MFAP5: variants seen among roughly 807,000 people sequenced by gnomAD.
The protein encoded by MFAP5 is microfibril associated protein 5, also known as microfibrillar-associated protein 5.
MFAP5 carries 19 observed loss-of-function variants against 30.1 expected under a neutral mutation model. The observed-to-expected ratio is 0.63, with a 90% CI of 0.44 to 0.93. The LOEUF (loss-of-function observed/expected upper bound fraction) is 0.93, where lower values mean the gene tolerates loss of function less well. MFAP5 is among the 40% of genes least tolerant of loss of function. The pLI, the probability that MFAP5 is intolerant of heterozygous loss-of-function variation, is 0.00. For missense variants in MFAP5, 210 were observed against 221.3 expected, an observed-to-expected ratio of 0.95 and a Z score of 0.32; for synonymous variants, 92 against 72.9, an observed-to-expected ratio of 1.26 and a Z score of -1.33.
intron 9 of MFAP5, chr12:8,648,591 A>T (rs1263056167): frequency 8.2e-7 from 1 of 1,213,176 alleles, no homozygotes; most frequent in Non-Finnish European, 1.1e-6. Flanking sequence ...ATCATTCAGT[A>T]TACATTTACG....
At position 8,649,131 on chromosome 12, in the gene MFAP5, T is replaced by A. The variant is rs1027003722; in HGVS notation, c.409+370A>T. The stretch of plus-strand genomic sequence containing the variant: ...CGTGTGTATGTTTTATTTTTAGTTA[T>A]GAACATGGCTGCGGACTAGCAGAGT... On this transcript the variant is annotated intron_variant, in intron 9 of 9. Coordinates refer to ENST00000359478, the MANE Select transcript of MFAP5 (RefSeq NM_003480.4). Among the ~76,000 whole-genome samples, 4 of 152,354 alleles carry A rather than the reference T, an allele frequency of 2.6e-5. 1 individual carries two copies. In the Middle Eastern group the frequency reaches 0.014, roughly 518 times the overall value.
Position 8,648,028 on chromosome 12 carries a change from A to T in MFAP5, c.*63T>A. The T allele has an allele frequency of 7.9e-7, 1 of 1,258,490 alleles. No homozygotes were observed. Among genetic ancestry groups the T allele is most frequent in the Non-Finnish European group, 1.1e-6 (1 of 871,034 alleles). The allele number at this position is 1,258,490 out of a possible 1,614,324, so 78.0% of individuals were successfully genotyped here. On this transcript the variant is annotated 3_prime_UTR_variant, in exon 10 of 10. Coordinates refer to ENST00000359478, the MANE Select transcript of MFAP5 (RefSeq NM_003480.4). The stretch of plus-strand genomic sequence containing the variant: ...CTAAGGGTTAGCTGTCAATGGTTGG[A>T]GAAGAAGGAGATCCTCCTTCCTCTC...
chr12:8,651,546 G>T, intron 7 of MFAP5, 116 bp downstream of exon 7: 2 of 1,065,838 alleles, frequency 1.9e-6, no homozygotes. Context: ...AATACTCTTT[G>T]AGAAATAATT....
At position 8,656,853 on chromosome 12, in the gene MFAP5, A is replaced by G. The variant is rs779399127; in HGVS notation, c.95-1023T>C. Among the ~76,000 whole-genome samples the G allele has an allele frequency of 9.5e-4, 145 of 151,900 alleles. 1 individual carries two copies. The highest frequency in any genetic ancestry group is 7.4e-3 in the East Asian group (38 of 5,162). ...CAGCTAATTTCTGTATTTTTAGTAG[A>G]GATGGGGTTTCACCATATTGGCCAG... On this transcript the variant is annotated intron_variant, in intron 3 of 9. Coordinates refer to ENST00000359478, the MANE Select transcript of MFAP5 (RefSeq NM_003480.4).
In MFAP5 at chr12:8,649,556, G is replaced by C. The variant is rs781404692; in HGVS notation, c.354C>G (p.Ile118Met). The change falls in exon 9 of 10, where the codon ATC becomes ATG. Residue 118 changes from isoleucine (I) to methionine (M), a missense_variant. By Grantham distance (10) the Ile-to-Met change is conservative. Coordinates refer to ENST00000359478, the MANE Select transcript of MFAP5 (RefSeq NM_003480.4). ...LCFTSLRRMY[I>M]VNKEICSRLV... ...GACGAGAGCAGATCTCCTTGTTGAC[G>C]ATGTACATACGTCGTAAACTGCAGA... The C allele has an allele frequency of 6.2e-7, 1 of 1,613,972 alleles. No homozygotes were observed. Among genetic ancestry groups the C allele is most frequent in the South Asian group, 1.1e-5 (1 of 91,082 alleles).
intron 3 of MFAP5, chr12:8,658,379 C>T (rs1196691796): frequency 6.6e-6 from 1 of 152,142 alleles, no homozygotes; most frequent in Non-Finnish European, 1.5e-5. Flanking sequence ...ACAAAAAAGC[C>T]TCTTAACCTT....
intron 3 of MFAP5, among the ~76,000 whole-genome samples, chr12:8,657,352 G>C (rs1051344203): frequency 6.6e-6 from 1 of 151,942 alleles, no homozygotes; most frequent in Non-Finnish European, 1.5e-5. Flanking sequence ...CCAGGAGGCA[G>C]AGGTGGCAGT....
At position 8,647,574 on chromosome 12, in the gene MFAP5, C is replaced by T. The variant is rs1941716052; in HGVS notation, c.*517G>A. On this transcript the variant is annotated 3_prime_UTR_variant, in exon 10 of 10. Transcript: ENST00000359478. ...ACCATGATGTGTCTTATAAGGAAGA[C>T]TTGCCAGGCAAATTTTCGGGCAAGC... 6.6e-6 allele frequency: 1 copy of T among 152,290 alleles called. No homozygotes were observed. Among genetic ancestry groups the T allele is most frequent in the South Asian group, 2.1e-4 (1 of 4,828 alleles). The allele number at this position is 152,290 out of a possible 1,614,324, so 9.4% of individuals were successfully genotyped here.
chr12:8,649,295 C>T lies in MFAP5; in HGVS notation c.409+206G>A, dbSNP rs753110320. Among the ~76,000 whole-genome samples, 5 of 151,962 alleles carry T rather than the reference C, an allele frequency of 3.3e-5. No individual in the cohort carries two copies. In the South Asian group the frequency reaches 6.2e-4, roughly 19 times the overall value. ...CTAGTAGGACAGGGATCTAGGGGTA[C>T]TTTTCTTAGGGTTATGTTTGTATAT... On this transcript the variant is annotated intron_variant, in intron 9 of 9. Coordinates refer to ENST00000359478, the MANE Select transcript of MFAP5 (RefSeq NM_003480.4).
At position 8,660,899 on chromosome 12, in the gene MFAP5, C is replaced by T. The variant is rs1179559567; in HGVS notation, c.59-1G>A. On this transcript the variant is annotated splice_acceptor_variant, in intron 2 of 9. Transcript: ENST00000359478. LOFTEE classifies it high-confidence loss of function. Reference sequence around the variant, plus strand: ...CTATTGACCCCCAGGGGTATCCAGTCTATAGCAAAGGAAGAGAAAAGAGAT... The same window carrying T: ...CTATTGACCCCCAGGGGTATCCAGTTTATAGCAAAGGAAGAGAAAAGAGAT... 8 of 1,611,560 alleles carry T rather than the reference C, an allele frequency of 5.0e-6. No homozygotes were observed. In the Admixed American group the frequency reaches 1.2e-4, roughly 24 times the overall value.
At chr12:8,661,327 A>G (rs1485192519) in intron 2 of MFAP5, among the ~76,000 whole-genome samples, 1 of 152,172 alleles carries the variant, frequency 6.6e-6, no homozygotes, top group Non-Finnish European at 1.5e-5. Flanking sequence ...AGGGAAAAAA[A>G]TAGAGTAGGA....
At chr12:8,650,367 A>T in intron 8 of MFAP5, 135 bp downstream of exon 8, 2 of 733,308 alleles carry the variant, frequency 2.7e-6, no homozygotes, top group Non-Finnish European at 4.8e-6. Flanking sequence ...TACATTCAGC[A>T]ATAACTAGGA....
intron 1 of MFAP5, 53 bp from the exon 2 acceptor site, chr12:8,662,159 A>T: frequency 6.7e-7 from 1 of 1,500,828 alleles, no homozygotes; most frequent in Non-Finnish European, 9.2e-7. Context: ...GCACATCAGC[A>T]TTTCAGTGCC....
At position 8,656,649 on chromosome 12, in the gene MFAP5, C is replaced by CATAT. The variant is rs757365767; in HGVS notation, c.95-823_95-820dup. Among the ~76,000 whole-genome samples the CATAT allele has an allele frequency of 5.9e-3, 643 of 109,048 alleles. 17 individuals carry two copies. Among genetic ancestry groups the CATAT allele is most frequent in the South Asian group, 0.057 (195 of 3,406 alleles). 71.5% of individuals were successfully genotyped at this position (109,048 alleles called of 152,430 possible). A position where few individuals can be genotyped will look rare whatever the true frequency, so the allele number is the denominator to read the frequency against. On this transcript the variant is annotated intron_variant, in intron 3 of 9. Transcript: ENST00000359478. Reference sequence around the variant, plus strand: ...ATACACACACACACACACACACACACATATATATATATATATATATTTTTT... The same window carrying CATAT: ...ATACACACACACACACACACACACACATATATATATATATATATATATATTTTTT...
chr12:8,658,898 T>C (rs1263893716), intron 3 of MFAP5, among the ~76,000 whole-genome samples: 1 of 151,844 alleles, frequency 6.6e-6, no homozygotes, highest in Non-Finnish European at 1.5e-5. Flanking sequence ...GGTGCCATCA[T>C]AGCTCCTTTG....
chr12:8,655,768 A>C lies in MFAP5; in HGVS notation c.139+18T>G. On this transcript the variant is annotated intron_variant, in intron 4 of 9. Coordinates refer to ENST00000359478, the MANE Select transcript of MFAP5 (RefSeq NM_003480.4). ...CAATAAAACAGCAAACAAACAAACAAACAAAAGTGTAGCTTACTAGGATCT... is the reference window on the plus strand; with the variant it reads ...CAATAAAACAGCAAACAAACAAACACACAAAAGTGTAGCTTACTAGGATCT... 7.3e-7 allele frequency: 1 copy of C among 1,376,220 alleles called. No individual in the cohort carries two copies. The highest frequency in any genetic ancestry group is 1.6e-5 in the African/African-American group (1 of 63,406). The allele number at this position is 1,376,220 out of a possible 1,614,324, so 85.3% of individuals were successfully genotyped here. A position where few individuals can be genotyped will look rare whatever the true frequency, so the allele number is the denominator to read the frequency against.
chr12:8,655,790 A>C lies in MFAP5; in HGVS notation c.135T>G (p.Asp45Glu). Reference sequence around the variant, plus strand: ...ACAAACAAAAGTGTAGCTTACTAGGATCTTCTGTGAATGTTTCTGGAGTCG... The same window carrying C: ...ACAAACAAAAGTGTAGCTTACTAGGCTCTTCTGTGAATGTTTCTGGAGTCG... ...TQATPETFTE[D>E]PNLVNDPATD... Residue 45 changes from aspartate to glutamate, a missense_variant, in exon 4 of 10, where the codon GAT becomes GAG. Asp to Glu is a conservative substitution (Grantham distance 45, BLOSUM62 2). Coordinates refer to ENST00000359478, the MANE Select transcript of MFAP5 (RefSeq NM_003480.4). The C allele has an allele frequency of 6.2e-7, 1 of 1,610,980 alleles. No individual in the cohort carries two copies. The highest frequency in any genetic ancestry group is 8.5e-7 in the Non-Finnish European group (1 of 1,179,596).
intron 9 of MFAP5, among the ~76,000 whole-genome samples, chr12:8,649,068 C>T (rs1381344951): frequency 6.6e-6 from 1 of 152,072 alleles, no homozygotes; most frequent in African/African-American, 2.4e-5. Flanking sequence ...ATTTATAGGC[C>T]CTATCCAAAC....
At position 8,647,887 on chromosome 12, in the gene MFAP5, T is replaced by C. The variant is rs756538252; in HGVS notation, c.*204A>G. 9 of 437,996 alleles carry C rather than the reference T, an allele frequency of 2.1e-5. No individual in the cohort carries two copies. Among genetic ancestry groups the C allele is most frequent in the Non-Finnish European group, 3.7e-5 (9 of 240,214 alleles). 27.1% of individuals were successfully genotyped at this position (437,996 alleles called of 1,614,324 possible). A position where few individuals can be genotyped will look rare whatever the true frequency, so the allele number is the denominator to read the frequency against. On this transcript the variant is annotated 3_prime_UTR_variant, in exon 10 of 10. Transcript: ENST00000359478. ...GAAGCAGCAAAATTATGCAATAATA[T>C]AGACTTTGTATTTTAAGTGCTAGAA... is the stretch of plus-strand genomic sequence containing the variant.
Sources: gnomAD v4.1 joint callset for allele counts (sites outside exome capture counted in the v4.1 genomes callset) on GRCh38, gnomAD v4.1.1 for gene constraint, MANE v1.5 for transcripts, NCBI Gene and HGNC (gene_info 2026-07-23, HGNC 2026-07-21) for gene names.